Variants in MGAT5 observed in about 807,000 individuals in gnomAD.
MGAT5 encodes alpha-1,6-mannosylglycoprotein 6-beta-N-acetylglucosaminyltransferase A.
Under a neutral mutation model 94.3 loss-of-function variants are expected in MGAT5, and 30 were observed. The ratio of observed to expected loss-of-function variants is 0.32; its 90% CI spans 0.24 to 0.43. MGAT5 has a LOEUF of 0.43. MGAT5 is among the 20% of genes least tolerant of loss of function. The probability of loss-of-function intolerance (pLI) is 1.00; values close to 1 mark genes in which losing one functional copy is unlikely to be tolerated. For synonymous variants in MGAT5, 310 were observed against 322.9 expected (o/e 0.96, Z 0.43); for missense variants, 691 against 905.5 (o/e 0.76, Z 3.04).
intron 1 of MGAT5, among the ~76,000 whole-genome samples, chr2:134,205,481 G>C (rs1679983090): frequency 6.6e-6 from 1 of 152,166 alleles, no homozygotes; most frequent in African/African-American, 2.4e-5. Flanking sequence ...ACGTACACAT[G>C]AGGGCTTAAG....
chr2:134,127,729 G>C lies in MGAT5; in HGVS notation c.-143+7438G>C, dbSNP rs541558979. Among the ~76,000 whole-genome samples, 24 of 152,188 alleles carry C rather than the reference G, an allele frequency of 1.6e-4. 1 individual carries two copies. Among genetic ancestry groups the C allele is most frequent in the Admixed American group, 1.4e-3 (22 of 15,274 alleles). ...TGTCTTCATGTGGGCCGATTCTGTGGTTAGTGATTCTGATTTCTCATCTGA... is the reference window on the plus strand; with the variant it reads ...TGTCTTCATGTGGGCCGATTCTGTGCTTAGTGATTCTGATTTCTCATCTGA... On this transcript the variant is annotated intron_variant, in intron 1 of 16. Transcript: ENST00000409645.
intron 8 of MGAT5, among the ~76,000 whole-genome samples, chr2:134,347,251 A>G (rs1688973633): frequency 6.6e-6 from 1 of 152,196 alleles, no homozygotes; most frequent in South Asian, 2.1e-4. Flanking sequence ...AACCTAGATA[A>G]GCTAGAAAAG....
chr2:134,441,057 T>C (rs950532116), intron 14 of MGAT5, among the ~76,000 whole-genome samples: 1 of 152,194 alleles, frequency 6.6e-6, no homozygotes, highest in Non-Finnish European at 1.5e-5. Flanking sequence ...GTTGTAAAAT[T>C]GGTTTCTTTA....
At chr2:134,309,016 C>T (rs61030939) in intron 2 of MGAT5, among the ~76,000 whole-genome samples, 5,709 of 152,264 alleles carry the variant, frequency 0.037, 257 homozygotes, top group East Asian at 0.12. Context: ...TAAACAACCA[C>T]GAATTCACTC....
chr2:134,326,191 G>A (rs1687639013), intron 4 of MGAT5, among the ~76,000 whole-genome samples: 2 of 151,844 alleles, frequency 1.3e-5, no homozygotes, highest in African/African-American at 4.8e-5. Flanking sequence ...CACCCTAAGA[G>A]GAAATTCATA....
chr2:134,377,156 A>G (rs1681235231), intron 10 of MGAT5, among the ~76,000 whole-genome samples: 1 of 152,244 alleles, frequency 6.6e-6, no homozygotes, highest in Non-Finnish European at 1.5e-5. Context: ...ATACCTCACA[A>G]CCATGAAGCA....
In MGAT5 at chr2:134,315,448, A is replaced by T. The variant is rs184780331; in HGVS notation, c.407-2081A>T. On this transcript the variant is annotated intron_variant, in intron 2 of 15. Coordinates refer to ENST00000281923, the MANE Select transcript of MGAT5 (RefSeq NM_002410.5). Reference sequence around the variant, plus strand: ...GGAATAATGGTCATTGCAAAATACTATTCTTTGGTGAGGCATTCCATTTGT... The same window carrying T: ...GGAATAATGGTCATTGCAAAATACTTTTCTTTGGTGAGGCATTCCATTTGT... Among the ~76,000 whole-genome samples the T allele has an allele frequency of 4.2e-3, 645 of 152,334 alleles. 4 individuals are homozygous for T. The highest frequency in any genetic ancestry group is 0.015 in the African/African-American group (619 of 41,576).
At chr2:134,190,354 T>G (rs1689303488) in intron 1 of MGAT5, among the ~76,000 whole-genome samples, 1 of 152,214 alleles carries the variant, frequency 6.6e-6, no homozygotes, top group South Asian at 2.1e-4. Flanking sequence ...GTAGTTCATT[T>G]CTTTGATTTG....
At chr2:134,189,131 G>A (rs1220924928) in intron 1 of MGAT5, among the ~76,000 whole-genome samples, 2 of 152,116 alleles carry the variant, frequency 1.3e-5, no homozygotes, top group African/African-American at 2.4e-5. Context: ...TTGGGGTTTC[G>A]TTACATAGGC....
chr2:134,267,340 G>A (rs1480254888), intron 1 of MGAT5, among the ~76,000 whole-genome samples: 3 of 152,188 alleles, frequency 2.0e-5, no homozygotes, highest in Non-Finnish European at 4.4e-5. Flanking sequence ...GTTAAGAGGG[G>A]CATAGGGATG....
At chr2:134,157,211 T>G (rs1050372238) in intron 1 of MGAT5, among the ~76,000 whole-genome samples, 5 of 152,190 alleles carry the variant, frequency 3.3e-5, no homozygotes, top group African/African-American at 1.2e-4. Context: ...TAGTTAATAG[T>G]ATCATGCCAA....
chr2:134,255,136 T>C (rs1682856528), intron 1 of MGAT5, among the ~76,000 whole-genome samples: 1 of 152,100 alleles, frequency 6.6e-6, no homozygotes, highest in Admixed American at 6.6e-5. Context: ...TGCTGGTGAG[T>C]TTTAACCTTT....
At chr2:134,204,334 C>G (rs1679932392) in intron 1 of MGAT5, among the ~76,000 whole-genome samples, 1 of 152,160 alleles carries the variant, frequency 6.6e-6, no homozygotes, top group African/African-American at 2.4e-5. Flanking sequence ...TAATTTCTGC[C>G]TAAGTCCCTG....
At chr2:134,392,845 A>C (rs1558852390) in intron 10 of MGAT5, among the ~76,000 whole-genome samples, 1 of 152,120 alleles carries the variant, frequency 6.6e-6, no homozygotes, top group African/African-American at 2.4e-5. Flanking sequence ...ATGCTGTCCC[A>C]CCCAGAAGGG....
intron 10 of MGAT5, 76 bp downstream of exon 10, chr2:134,362,484 A>G (rs746436507): frequency 1.3e-6 from 2 of 1,553,660 alleles, no homozygotes; most frequent in African/African-American, 1.4e-5. Context: ...GATCCAGGGA[A>G]TAATCAAGCC....
At chr2:134,332,876 C>G (rs1170855140) in intron 4 of MGAT5, among the ~76,000 whole-genome samples, 2 of 152,060 alleles carry the variant, frequency 1.3e-5, no homozygotes, top group African/African-American at 2.4e-5. Flanking sequence ...AAATCAAAAC[C>G]ACAATGAGAT....
chr2:134,446,374 T>C (rs1685774552), intron 15 of MGAT5, among the ~76,000 whole-genome samples: 1 of 151,806 alleles, frequency 6.6e-6, no homozygotes, highest in Non-Finnish European at 1.5e-5. Flanking sequence ...ATTTCTATGC[T>C]CTGGTTAGCA....
chr2:134,192,439 T>A (rs1679273068), intron 1 of MGAT5, among the ~76,000 whole-genome samples: 1 of 152,158 alleles, frequency 6.6e-6, no homozygotes, highest in Non-Finnish European at 1.5e-5. Flanking sequence ...CAAATTGGAA[T>A]GAAACAGGTA....
intron 1 of MGAT5, among the ~76,000 whole-genome samples, chr2:134,219,362 G>A (rs896030804): frequency 3.9e-5 from 6 of 151,960 alleles, no homozygotes; most frequent in Non-Finnish European, 8.8e-5. Context: ...TGGGCCAGGT[G>A]GGAAAACCTG....
Sources: gnomAD v4.1 joint callset for allele counts (sites outside exome capture counted in the v4.1 genomes callset) on GRCh38, gnomAD v4.1.1 for gene constraint, MANE v1.5 for transcripts, NCBI Gene and HGNC (gene_info 2026-07-23, HGNC 2026-07-21) for gene names.